The following TP53BP1 variants were observed in gnomAD, a reference collection of about 807,000 sequenced individuals.
TP53BP1 encodes tumor protein p53 binding protein 1.
In TP53BP1, 61 loss-of-function variants were observed where a neutral mutation model predicts 200.8. The ratio of observed to expected loss-of-function variants is 0.30; its 90% CI spans 0.25 to 0.38. The LOEUF (loss-of-function observed/expected upper bound fraction) is 0.38, where lower values mean the gene tolerates loss of function less well. Ranked by LOEUF, TP53BP1 falls within the 10% of genes least tolerant of loss-of-function variation. The probability of loss-of-function intolerance (pLI) is 1.00; values close to 1 mark genes in which losing one functional copy is unlikely to be tolerated. For missense variants in TP53BP1, 2,144 were observed against 2,371.9 expected, an observed-to-expected ratio of 0.90 and a Z score of 2.00; for synonymous variants, 822 against 844.3, an observed-to-expected ratio of 0.97 and a Z score of 0.46.
chr15:43,463,372 C>T (rs79661498), intron 11 of TP53BP1, among the ~76,000 whole-genome samples: 1,615 of 152,268 alleles, frequency 0.011, 34 homozygotes, highest in African/African-American at 0.037. Flanking sequence ...TCTCTTTACA[C>T]ATATTTAAAT....
At chr15:43,455,854 T>A in intron 12 of TP53BP1, 38 bp downstream of exon 12, 1 of 1,605,274 alleles carries the variant, frequency 6.2e-7, no homozygotes, top group Non-Finnish European at 8.5e-7. Context: ...CAGATTATAA[T>A]TTAGGTGGAG....
intron 1 of TP53BP1, among the ~76,000 whole-genome samples, chr15:43,509,271 T>C (rs1002652047): frequency 7.2e-6 from 1 of 138,860 alleles, no homozygotes; most frequent in East Asian, 2.3e-4. Context: ...ATCCCCAGCA[T>C]CTGACATTCT....
intron 11 of TP53BP1, among the ~76,000 whole-genome samples, chr15:43,461,993 AATAT>A (rs1200616164): frequency 6.6e-6 from 1 of 151,780 alleles, no homozygotes; most frequent in African/African-American, 2.4e-5. Flanking sequence ...CACATTTTAT[AATAT>A]ATAATCTTCA....
rs1018595599 is a variant in TP53BP1 at position 43,421,163 on chromosome 15, C to T, written c.4112G>A (p.Gly1371Glu). 1 of 1,613,946 alleles carries T rather than the reference C, an allele frequency of 6.2e-7. No individual in the cohort carries two copies. Among genetic ancestry groups the T allele is most frequent in the Non-Finnish European group, 8.5e-7 (1 of 1,179,982 alleles). ...GGPGKLSPRK[G>E]VSQTGTPVCE... ...CACTGGCGTCCCTGTCTGACTGACC[C>T]CTTTTCTAGGACTAGAGAATGAAGA... The change falls in exon 20 of 28, where the codon GGG becomes GAG. Residue 1371 changes from glycine to glutamate, a missense_variant. By Grantham distance (98) the Gly-to-Glu change is moderately conservative (BLOSUM62 -2). Coordinates refer to ENST00000382044, the MANE Select transcript of TP53BP1 (RefSeq NM_001141980.3).
chr15:43,447,546 G>GTT (rs1233414185), intron 12 of TP53BP1, 61 bp from the exon 13 acceptor site: 1 of 1,359,388 alleles, frequency 7.4e-7, no homozygotes, highest in Non-Finnish European at 9.8e-7. Flanking sequence ...AAAAACAGAA[G>GTT]TATAAAATAA....
At chr15:43,496,197 T>C (rs566153232), upstream of TP53BP1, among the ~76,000 whole-genome samples, 4 of 152,354 alleles carry the variant, frequency 2.6e-5, no homozygotes, top group East Asian at 5.8e-4. Context: ...ACAAACCTCA[T>C]TGTCAGAAAT....
chr15:43,459,315 C>T (rs1029417356), intron 11 of TP53BP1, among the ~76,000 whole-genome samples: 12 of 151,950 alleles, frequency 7.9e-5, no homozygotes, highest in Admixed American at 7.9e-4. Flanking sequence ...CCAGCCTCAG[C>T]GACAGAGCGA....
At chr15:43,509,191 G>GGGGA in intron 1 of TP53BP1, among the ~76,000 whole-genome samples, 1 of 108,806 alleles carries the variant, frequency 9.2e-6, no homozygotes, top group African/African-American at 4.0e-5. Context: ...CCACAAACGG[G>GGGGA]GGGGGGGGGG....
At chr15:43,457,339 A>G in intron 11 of TP53BP1, 121 bp from the exon 12 acceptor site, 1 of 958,488 alleles carries the variant, frequency 1.0e-6, no homozygotes. Flanking sequence ...TTTTAAATTC[A>G]TATAAAATTT....
In TP53BP1 at chr15:43,403,468, G is replaced by GTAA; in HGVS notation, c.*3912_*3914dup. On this transcript the variant is annotated 3_prime_UTR_variant, in exon 28 of 28. Coordinates refer to ENST00000382044, the MANE Select transcript of TP53BP1 (RefSeq NM_001141980.3). ...GGAGGTTTGGTGCAGGGCTAAGAGA[G>GTAA]TAATACTCGCTTAGCCAGGAAAGGA... The GTAA allele has an allele frequency of 2.0e-6, 1 of 502,792 alleles. No individual in the cohort carries two copies. The highest frequency in any genetic ancestry group is 3.6e-6 in the Non-Finnish European group (1 of 278,318). The allele number at this position is 502,792 out of a possible 1,614,324, so 31.1% of individuals were successfully genotyped here.
At chr15:43,467,057 ATTC>A (rs1423880346) in intron 11 of TP53BP1, among the ~76,000 whole-genome samples, 1 of 146,848 alleles carries the variant, frequency 6.8e-6, no homozygotes, top group African/African-American at 2.5e-5. Flanking sequence ...TTGTAAAGGT[ATTC>A]TTTTTTTTTT....
At chr15:43,440,536 A>C (rs376673897) in intron 15 of TP53BP1, among the ~76,000 whole-genome samples, 62 of 151,128 alleles carry the variant, frequency 4.1e-4, no homozygotes, top group African/African-American at 1.5e-3. Flanking sequence ...CAAAAAAAAA[A>C]CACTCTGTCT....
rs540151774 is a variant in TP53BP1, at chr15:43,469,711, C to T, written c.1389+147G>A. On this transcript the variant is annotated intron_variant, in intron 11 of 27. Coordinates refer to ENST00000382044, the MANE Select transcript of TP53BP1 (RefSeq NM_001141980.3). ...GAACTGTTCTAAAACTGCTTTGTGA[C>T]GACAGCTTCACAACTCTGTAAATTT... 34 of 703,788 alleles carry T rather than the reference C, an allele frequency of 4.8e-5. No homozygotes were observed. In the South Asian group the frequency reaches 5.4e-4, roughly 11 times the overall value. 43.6% of individuals were successfully genotyped at this position (703,788 alleles called of 1,614,324 possible). A position where few individuals can be genotyped will look rare whatever the true frequency, so the allele number is the denominator to read the frequency against.
At chr15:43,461,042 G>A (rs553108562) in intron 11 of TP53BP1, among the ~76,000 whole-genome samples, 46 of 150,708 alleles carry the variant, frequency 3.1e-4, no homozygotes, top group African/African-American at 1.1e-3. Context: ...ATTTCTAAAT[G>A]GCAATTTAGC....
At chr15:43,415,501 G>T (rs978142909) in intron 23 of TP53BP1, 93 bp downstream of exon 23, 1 of 1,334,546 alleles carries the variant, frequency 7.5e-7, no homozygotes, top group Non-Finnish European at 1.1e-6. Context: ...GGACAGAAGG[G>T]CCACTGCCAC....
In TP53BP1 at chr15:43,442,979, C is replaced by A. The variant is rs191210180; in HGVS notation, c.3041-1396G>T. 3.5e-3 allele frequency among the ~76,000 whole-genome samples: 533 copies of A among 151,472 alleles called. 3 individuals are homozygous for A. Among genetic ancestry groups the A allele is most frequent in the African/African-American group, 0.012 (505 of 41,244 alleles). ...TAGCTGGGATTACAGGTACCTGCCA[C>A]CATGTCCGGCTAATTTTTATATTTT... On this transcript the variant is annotated intron_variant, in intron 14 of 27. Transcript: ENST00000382044.
At chr15:43,499,281 A>G (rs1177432657) in intron 1 of TP53BP1, among the ~76,000 whole-genome samples, 2 of 152,130 alleles carry the variant, frequency 1.3e-5, no homozygotes, top group Non-Finnish European at 2.9e-5. Context: ...GGAGAGGGGG[A>G]GGAGGATGAG....
At chr15:43,415,319 C>A in intron 23 of TP53BP1, 1 of 489,394 alleles carries the variant, frequency 2.0e-6, no homozygotes, top group Non-Finnish European at 3.8e-6. Flanking sequence ...AGCGATTCTC[C>A]CACCTCAGCC....
intron 4 of TP53BP1, among the ~76,000 whole-genome samples, chr15:43,489,581 T>A (rs943755352): frequency 3.3e-5 from 5 of 152,188 alleles, no homozygotes; most frequent in African/African-American, 7.2e-5. Flanking sequence ...CAATAATGAA[T>A]TGTAGTGACT....
Sources: allele counts gnomAD v4.1 joint callset (sites outside exome capture counted in the v4.1 genomes callset), GRCh38; gene constraint gnomAD v4.1.1; transcripts MANE v1.5; gene names NCBI Gene and HGNC (gene_info 2026-07-23, HGNC 2026-07-21).